SDCCAG8: variants seen among roughly 807,000 people sequenced by gnomAD.
The protein encoded by SDCCAG8 is SHH signaling and ciliogenesis regulator SDCCAG8.
Under a neutral mutation model 101.8 loss-of-function variants are expected in SDCCAG8, and 74 were observed. The ratio of observed to expected loss-of-function variants is 0.73; its 90% CI spans 0.60 to 0.88. The LOEUF is 0.88. SDCCAG8 is among the 40% of genes least tolerant of loss of function. The pLI is 0.00. For missense variants in SDCCAG8, 787 were observed against 822.6 expected (o/e 0.96, Z 0.53); for synonymous variants, 281 against 292.9 (o/e 0.96, Z 0.41).
intron 12 of SDCCAG8, among the ~76,000 whole-genome samples, chr1:243,373,619 C>T (rs1457657077): frequency 1.3e-5 from 2 of 152,082 alleles, no homozygotes; most frequent in Non-Finnish European, 2.9e-5. Flanking sequence ...CCAGTGCATA[C>T]ACTTCTCATG....
intron 16 of SDCCAG8, among the ~76,000 whole-genome samples, chr1:243,448,110 G>C (rs973787851): frequency 6.6e-6 from 1 of 152,176 alleles, no homozygotes; most frequent in African/African-American, 2.4e-5. Flanking sequence ...TGTAGCTGCT[G>C]CAGGCACCCG....
At chr1:243,378,935 A>G (rs951309418) in intron 13 of SDCCAG8, 72 bp downstream of exon 13, 3 of 1,577,404 alleles carry the variant, frequency 1.9e-6, no homozygotes, top group Non-Finnish European at 2.6e-6. Flanking sequence ...GCTTCCAAAC[A>G]GTTGTTAGAG....
rs553946227 is a variant in SDCCAG8, at chr1:243,322,548, C to T, written c.1068+5655C>T. Among the ~76,000 whole-genome samples, 35 of 152,292 alleles carry T rather than the reference C, an allele frequency of 2.3e-4. No homozygotes were observed. In the South Asian group the frequency reaches 5.6e-3, roughly 24 times the overall value. On this transcript the variant is annotated intron_variant, in intron 9 of 17. Transcript: ENST00000366541. ...ATGGTTAATCAGTCTGCACTAGTCC[C>T]TTGGTTACAAAATCTCTGGTGTTAC...
At chr1:243,401,854 G>C (rs1452898331) in intron 13 of SDCCAG8, among the ~76,000 whole-genome samples, 1 of 152,268 alleles carries the variant, frequency 6.6e-6, no homozygotes, top group East Asian at 1.9e-4. Flanking sequence ...TCATAGGTGA[G>C]TGGCTGAATT....
Position 243,399,858 on chromosome 1 carries a change from A to G in SDCCAG8, c.1617-15844A>G, listed in dbSNP as rs556816314. ...AGTGGTAGTAAAGATAACCTCCCGC[A>G]TAAACGCTGCTTACCCTGTAATAGG... On this transcript the variant is annotated intron_variant, in intron 13 of 17. Transcript: ENST00000366541. Among the ~76,000 whole-genome samples, 4 of 152,322 alleles carry G rather than the reference A, an allele frequency of 2.6e-5. No homozygotes were observed. In the South Asian group the frequency reaches 6.2e-4, roughly 24 times the overall value.
At chr1:243,360,913 C>T (rs2076673620) in intron 12 of SDCCAG8, among the ~76,000 whole-genome samples, 2 of 152,148 alleles carry the variant, frequency 1.3e-5, no homozygotes, top group South Asian at 4.1e-4. Flanking sequence ...GTTCCTACCT[C>T]AGTAGCAGTC....
intron 5 of SDCCAG8, among the ~76,000 whole-genome samples, chr1:243,292,745 G>T (rs1361080115): frequency 6.6e-6 from 1 of 152,234 alleles, no homozygotes; most frequent in Admixed American, 6.5e-5. Context: ...TATTAGCCAT[G>T]CATTTATGAA....
intron 4 of SDCCAG8, among the ~76,000 whole-genome samples, chr1:243,279,302 C>T (rs527713033): frequency 6.6e-6 from 1 of 152,224 alleles, no homozygotes; most frequent in South Asian, 2.1e-4. Flanking sequence ...AGTACAGATG[C>T]CTCTCGACTT....
At chr1:243,256,704 A>T (rs1396560903) in intron 1 of SDCCAG8, among the ~76,000 whole-genome samples, 1 of 152,252 alleles carries the variant, frequency 6.6e-6, no homozygotes, top group Non-Finnish European at 1.5e-5. Context: ...GGCTATTTAC[A>T]TACAGTAAAT....
intron 1 of SDCCAG8, among the ~76,000 whole-genome samples, chr1:243,260,590 G>A (rs1424633920): frequency 1.3e-5 from 2 of 152,170 alleles, no homozygotes; most frequent in African/African-American, 4.8e-5. Flanking sequence ...TAGAAATGCA[G>A]TATTTTAGCC....
chr1:243,385,662 C>T (rs374535099), intron 13 of SDCCAG8, among the ~76,000 whole-genome samples: 5 of 152,036 alleles, frequency 3.3e-5, no homozygotes, highest in Non-Finnish European at 4.4e-5. Flanking sequence ...AGTATCACCT[C>T]GGAGGTTAAG....
chr1:243,318,473 A>T, intron 9 of SDCCAG8: 2 of 762,654 alleles, frequency 2.6e-6, no homozygotes, highest in South Asian at 1.2e-4. Flanking sequence ...TTGCCTATGT[A>T]ACAAACCTTC....
At chr1:243,333,758 G>A (rs1416857404) in intron 10 of SDCCAG8, among the ~76,000 whole-genome samples, 2 of 151,994 alleles carry the variant, frequency 1.3e-5, no homozygotes, top group East Asian at 3.9e-4. Flanking sequence ...CTTGATTTGG[G>A]AGAATGATGA....
chr1:243,395,925 T>G (rs959384214), intron 13 of SDCCAG8, among the ~76,000 whole-genome samples: 2 of 152,116 alleles, frequency 1.3e-5, no homozygotes, highest in African/African-American at 4.8e-5. Context: ...TGATTTTACT[T>G]GATACAAGCA....
At chr1:243,271,158 G>A (rs994962493) in intron 3 of SDCCAG8, 95 bp downstream of exon 3, 11 of 825,944 alleles carry the variant, frequency 1.3e-5, no homozygotes, top group Admixed American at 3.7e-5. Flanking sequence ...TTTAAGCATG[G>A]CATACTAATA....
chr1:243,382,447 A>T (rs2078017154), intron 13 of SDCCAG8, among the ~76,000 whole-genome samples: 1 of 152,212 alleles, frequency 6.6e-6, no homozygotes, highest in African/African-American at 2.4e-5. Flanking sequence ...ATATTTTTTG[A>T]CACATAAAGA....
intron 12 of SDCCAG8, chr1:243,346,084 A>G: frequency 1.3e-5 from 2 of 154,260 alleles, no homozygotes; most frequent in Middle Eastern, 5.5e-4. Flanking sequence ...ATGTGAGGAA[A>G]TCTTATAGGT....
chr1:243,257,650 C>T (rs553981648), intron 1 of SDCCAG8, among the ~76,000 whole-genome samples: 1 of 152,274 alleles, frequency 6.6e-6, no homozygotes, highest in South Asian at 2.1e-4. Flanking sequence ...ATAAGGGTTA[C>T]TATGTATTGT....
intron 16 of SDCCAG8, among the ~76,000 whole-genome samples, chr1:243,452,414 C>CTTT (rs71574667): frequency 2.1e-4 from 14 of 66,652 alleles, no homozygotes; most frequent in Non-Finnish European, 3.7e-4. Context: ...GATCTCATCT[C>CTTT]TTTTTTTTTT....
Sources: allele counts gnomAD v4.1 joint callset (sites outside exome capture counted in the v4.1 genomes callset), GRCh38; gene constraint gnomAD v4.1.1; transcripts MANE v1.5; gene names NCBI Gene and HGNC (gene_info 2026-07-23, HGNC 2026-07-21).